Variants in RYR3 observed in about 807,000 individuals in gnomAD.
RYR3 encodes ryanodine receptor 3, also known as brain ryanodine receptor-calcium release channel.
Under a neutral mutation model 584.3 loss-of-function variants are expected in RYR3, and 207 were observed. That is an observed-to-expected ratio of 0.35 (90% CI 0.32 to 0.40). RYR3 has a LOEUF of 0.40. Ranked by LOEUF, RYR3 falls within the 10% of genes least tolerant of loss-of-function variation. The pLI is 1.00. For synonymous variants in RYR3, 2,416 were observed against 2,248.5 expected (o/e 1.07, Z -2.11); for missense variants, 5,616 against 6,089.2 (o/e 0.92, Z 2.59).
chr15:33,845,133 C>A, intron 93 of RYR3, 71 bp downstream of exon 93: 1 of 1,516,818 alleles, frequency 6.6e-7, no homozygotes, highest in Non-Finnish European at 9.1e-7. Context: ...GCCCAGCCAG[C>A]CCTTTGCTCT....
At position 33,801,908 on chromosome 15, in the gene RYR3, G is replaced by A; in HGVS notation, c.9958G>A (p.Glu3320Lys). 1 of 1,584,898 alleles carries A rather than the reference G, an allele frequency of 6.3e-7. No individual in the cohort carries two copies. Among genetic ancestry groups the A allele is most frequent in the Non-Finnish European group, 8.6e-7 (1 of 1,163,110 alleles). ...REEQNFVIQN[E>K]INNLAFLTGD... ...AGAGCAAAATTTTGTGATTCAGAAT[G>A]AAATTAATAATTTGGCATTTTTAAC... Residue 3320 changes from glutamate (E) to lysine (K), a missense_variant, in exon 69 of 104, where the codon GAA (glutamate) becomes AAA (lysine). Coordinates refer to ENST00000634891, the MANE Select transcript of RYR3 (RefSeq NM_001036.6).
At chr15:33,331,643 T>C (rs1457443372) in intron 1 of RYR3, among the ~76,000 whole-genome samples, 1 of 151,858 alleles carries the variant, frequency 6.6e-6, no homozygotes, top group African/African-American at 2.4e-5. Flanking sequence ...ACTTAAGACA[T>C]TTTTCAGAAA....
At chr15:33,461,160 G>A (rs890521453) in intron 1 of RYR3, among the ~76,000 whole-genome samples, 3 of 151,842 alleles carry the variant, frequency 2.0e-5, no homozygotes, top group Admixed American at 2.0e-4. Flanking sequence ...TAGCCAGGAT[G>A]GTCTTGATCT....
intron 2 of RYR3, among the ~76,000 whole-genome samples, chr15:33,493,380 C>T (rs2051143295): frequency 6.6e-6 from 1 of 152,178 alleles, no homozygotes. Flanking sequence ...TCACAGCATC[C>T]ATTGAAAGCT....
intron 1 of RYR3, among the ~76,000 whole-genome samples, chr15:33,334,441 C>G (rs1426622305): frequency 6.6e-6 from 1 of 152,134 alleles, no homozygotes; most frequent in Non-Finnish European, 1.5e-5. Flanking sequence ...AAGGGATTCC[C>G]TATTCAATAA....
chr15:33,488,282 G>A (rs1275144267), intron 2 of RYR3, among the ~76,000 whole-genome samples: 1 of 152,126 alleles, frequency 6.6e-6, no homozygotes, highest in Non-Finnish European at 1.5e-5. Context: ...CTCACAGCAG[G>A]CCAGTGGCCC....
chr15:33,663,433 C>G (rs1207853601), intron 35 of RYR3, 104 bp from the exon 36 acceptor site: 3 of 947,820 alleles, frequency 3.2e-6, no homozygotes, highest in Middle Eastern at 3.1e-4. Context: ...TACTGTGTGG[C>G]AATTTACTTT....
chr15:33,793,182 C>T (rs192946678), intron 67 of RYR3, among the ~76,000 whole-genome samples: 52 of 152,262 alleles, frequency 3.4e-4, no homozygotes, highest in East Asian at 1.9e-3. Flanking sequence ...ATGGAAAAGA[C>T]GCATAGGGAA....
chr15:33,830,481 T>G (rs969757832), intron 85 of RYR3, among the ~76,000 whole-genome samples: 1 of 152,252 alleles, frequency 6.6e-6, no homozygotes. Flanking sequence ...ATAACTTTGA[T>G]GTACGCTGAG....
At chr15:33,513,506 G>A (rs548922961) in intron 3 of RYR3, among the ~76,000 whole-genome samples, 1 of 152,312 alleles carries the variant, frequency 6.6e-6, no homozygotes, top group African/African-American at 2.4e-5. Flanking sequence ...GGCGAACCAT[G>A]GTGTAAAAAT....
At chr15:33,777,712 C>G (rs2074092043) in intron 64 of RYR3, among the ~76,000 whole-genome samples, 1 of 151,608 alleles carries the variant, frequency 6.6e-6, no homozygotes, top group African/African-American at 2.4e-5. Flanking sequence ...ACCCCAAGGA[C>G]TGCCTTCGTG....
chr15:33,603,082 T>C, intron 17 of RYR3, 41 bp from the exon 18 acceptor site: 1 of 1,608,056 alleles, frequency 6.2e-7, no homozygotes, highest in Non-Finnish European at 8.5e-7. Flanking sequence ...TTCTCAGCTT[T>C]TAAGGGTGTG....
At chr15:33,604,037 G>T (rs2059796599) in intron 18 of RYR3, among the ~76,000 whole-genome samples, 2 of 152,154 alleles carry the variant, frequency 1.3e-5, no homozygotes, top group Non-Finnish European at 1.5e-5. Context: ...TGAAAAACGC[G>T]AGATTAACTC....
chr15:33,497,872 C>A (rs1433852167), intron 2 of RYR3, among the ~76,000 whole-genome samples: 1 of 152,126 alleles, frequency 6.6e-6, no homozygotes, highest in Non-Finnish European at 1.5e-5. Context: ...CTCTCCCCAC[C>A]CCTTCCCAGC....
intron 32 of RYR3, among the ~76,000 whole-genome samples, chr15:33,657,569 A>T (rs2062893322): frequency 6.6e-6 from 1 of 152,206 alleles, no homozygotes; most frequent in Admixed American, 6.5e-5. Context: ...GAACAACATC[A>T]AATCAGAATT....
chr15:33,860,493 TCAC>T, intron 100 of RYR3, 99 bp from the exon 101 acceptor site: 1 of 655,648 alleles, frequency 1.5e-6, no homozygotes. Flanking sequence ...CTTTGATAAT[TCAC>T]TTTTTTTTTT....
intron 37 of RYR3, among the ~76,000 whole-genome samples, chr15:33,669,828 AGGGGTGTGTGTGTGTGGGGGGGGG>A (rs1485153239): frequency 1.9e-5 from 1 of 52,870 alleles, no homozygotes; most frequent in African/African-American, 7.8e-5. Flanking sequence ...TTTAGCTATT[AGGGGTGTGTGTGTGTGGGGGGGGG>A]GGGGGGTGTG....
At chr15:33,432,359 G>C (rs926029065) in intron 1 of RYR3, among the ~76,000 whole-genome samples, 2 of 152,034 alleles carry the variant, frequency 1.3e-5, no homozygotes, top group East Asian at 1.9e-4. Context: ...TTTCAAAACA[G>C]TACACCTATG....
In RYR3 at chr15:33,853,691, A is replaced by G. The variant is rs749590681; in HGVS notation, c.13799+9A>G. On this transcript the variant is annotated intron_variant, in intron 96 of 103. Coordinates refer to ENST00000634891, the MANE Select transcript of RYR3 (RefSeq NM_001036.6). ...GCTTCTCTGGTGTCATGGTACAAAAAGCTTAGGAGTTCAAATCCAAAGCAG... is the reference window on the plus strand; with the variant it reads ...GCTTCTCTGGTGTCATGGTACAAAAGGCTTAGGAGTTCAAATCCAAAGCAG... 6.2e-7 allele frequency: 1 copy of G among 1,610,244 alleles called. No individual in the cohort carries two copies. Among genetic ancestry groups the G allele is most frequent in the Admixed American group, 1.7e-5 (1 of 59,056 alleles).
Sources: allele counts gnomAD v4.1 joint callset (sites outside exome capture counted in the v4.1 genomes callset), GRCh38; gene constraint gnomAD v4.1.1; transcripts MANE v1.5; gene names NCBI Gene and HGNC (gene_info 2026-07-23, HGNC 2026-07-21).